The following DAB1 variants were observed in gnomAD, a reference collection of about 807,000 sequenced individuals.
DAB1 encodes the protein disabled homolog 1.
In DAB1, 15 loss-of-function variants were observed where a neutral mutation model predicts 64.6. That is an observed-to-expected ratio of 0.23 (90% confidence interval 0.16 to 0.36). The LOEUF (loss-of-function observed/expected upper bound fraction) is 0.36. Ranked by LOEUF, DAB1 falls within the 10% of genes least tolerant of loss-of-function variation. The pLI is 1.00. For missense variants in DAB1, 596 were observed against 706.7 expected, an observed-to-expected ratio of 0.84 and a Z score of 1.78; for synonymous variants, 235 against 251.9, an observed-to-expected ratio of 0.93 and a Z score of 0.64.
chr1:57,736,757 C>G (rs923180292), intron 6 of DAB1, among the ~76,000 whole-genome samples: 2 of 152,136 alleles, frequency 1.3e-5, no homozygotes, highest in African/African-American at 4.8e-5. Flanking sequence ...CCCTCCCTCT[C>G]TCACTCTTTC....
intron 3 of DAB1, among the ~76,000 whole-genome samples, chr1:58,356,347 A>G (rs1224654592): frequency 2.0e-5 from 3 of 152,220 alleles, no homozygotes; most frequent in African/African-American, 7.2e-5. Context: ...CAAGCAGGGA[A>G]GACCTGCTCA....
At chr1:57,640,468 GAA>G (rs1430010624) in intron 7 of DAB1, among the ~76,000 whole-genome samples, 3 of 152,062 alleles carry the variant, frequency 2.0e-5, no homozygotes, top group African/African-American at 7.2e-5. Context: ...GAGGCTAAAT[GAA>G]TGAGGAGGGT....
At chr1:57,070,920 C>G in intron 7 of DAB1, 103 bp downstream of exon 7, 1 of 1,021,542 alleles carries the variant, frequency 9.8e-7, no homozygotes, top group Non-Finnish European at 1.6e-6. Context: ...TGGTCTCTCT[C>G]CAGGTTTTGC....
Position 57,126,173 on chromosome 1 carries a change from A to G in DAB1, c.306+10370T>C, listed in dbSNP as rs77983824. ...TTAAAGAAAAACAGTGAAAATTCCA[A>G]GAAAAAAGTAGTGACTGATTATAGG... On this transcript the variant is annotated intron_variant, in intron 4 of 14. Coordinates refer to ENST00000371236, the MANE Select transcript of DAB1 (RefSeq NM_001365792.1). Among the ~76,000 whole-genome samples the G allele has an allele frequency of 8.1e-3, 1,231 of 151,996 alleles. 11 individuals are homozygous for G. The highest frequency in any genetic ancestry group is 0.027 in the African/African-American group (1,116 of 41,252).
At chr1:58,437,739 A>G (rs1644961193) in intron 3 of DAB1, among the ~76,000 whole-genome samples, 1 of 152,174 alleles carries the variant, frequency 6.6e-6, no homozygotes, top group Non-Finnish European at 1.5e-5. Context: ...AAAGATACAA[A>G]TGTTGTGGGC....
chr1:57,504,350 G>C (rs1428434775), intron 7 of DAB1, among the ~76,000 whole-genome samples: 1 of 152,114 alleles, frequency 6.6e-6, no homozygotes, highest in Non-Finnish European at 1.5e-5. Flanking sequence ...GTAAGGAAGT[G>C]CTAAAACAAA....
At chr1:57,401,625 C>CTT (rs1683250949) in intron 1 of DAB1, among the ~76,000 whole-genome samples, 1 of 152,212 alleles carries the variant, frequency 6.6e-6, no homozygotes, top group Admixed American at 6.5e-5. Flanking sequence ...TAAAATCACA[C>CTT]AGTGAGCAGG....
At chr1:57,023,344 C>G (rs894177451) in intron 11 of DAB1, among the ~76,000 whole-genome samples, 187 bp downstream of exon 11, 1 of 152,196 alleles carries the variant, frequency 6.6e-6, no homozygotes, top group Non-Finnish European at 1.5e-5. Flanking sequence ...AATTCCAGGC[C>G]AGTAACATCC....
At chr1:57,188,643 A>G (rs892970548) in intron 2 of DAB1, among the ~76,000 whole-genome samples, 2 of 102,810 alleles carry the variant, frequency 1.9e-5, no homozygotes, top group Non-Finnish European at 3.9e-5. Flanking sequence ...CTTTCCCAGC[A>G]TATCTACAAC....
At chr1:58,210,399 T>C (rs933326207) in intron 4 of DAB1, among the ~76,000 whole-genome samples, 1 of 152,222 alleles carries the variant, frequency 6.6e-6, no homozygotes, top group Non-Finnish European at 1.5e-5. Flanking sequence ...AAGGTGATCC[T>C]AAAGATCATG....
At chr1:57,189,753 A>T (rs568221533) in intron 2 of DAB1, among the ~76,000 whole-genome samples, 18 of 152,140 alleles carry the variant, frequency 1.2e-4, no homozygotes, top group Non-Finnish European at 2.2e-4. Flanking sequence ...AGGAGCATCC[A>T]TTAAAAAGAC....
chr1:57,885,431 A>G (rs1032851915), upstream of DAB1, among the ~76,000 whole-genome samples: 1 of 152,142 alleles, frequency 6.6e-6, no homozygotes, highest in Non-Finnish European at 1.5e-5. Context: ...GCAGTGGCTT[A>G]TTATTGATGG....
upstream of DAB1, among the ~76,000 whole-genome samples, chr1:57,427,870 A>C (rs145858189): frequency 3.3e-5 from 5 of 152,322 alleles, no homozygotes; most frequent in East Asian, 9.6e-4. Context: ...AGAACAGTTA[A>C]GATCTACGCT....
rs145309872 is a variant in DAB1, at chr1:57,296,079, A to G, written c.-136-4913T>C. 1.5e-3 allele frequency among the ~76,000 whole-genome samples: 222 copies of G among 152,236 alleles called. 1 individual carries two copies. Among genetic ancestry groups the G allele is most frequent in the Middle Eastern group, 6.8e-3 (2 of 294 alleles). On this transcript the variant is annotated intron_variant, in intron 1 of 14. Transcript: ENST00000371236. ...TCTTTTTAGCAGGCTTGTTTTCTGTAGTGTTATGAGCAAAGCAATTCTGAA... is the reference window on the plus strand; with the variant it reads ...TCTTTTTAGCAGGCTTGTTTTCTGTGGTGTTATGAGCAAAGCAATTCTGAA...
chr1:57,504,714 A>G (rs1461261249), intron 7 of DAB1, among the ~76,000 whole-genome samples: 1 of 152,196 alleles, frequency 6.6e-6, no homozygotes, highest in Non-Finnish European at 1.5e-5. Context: ...AAGGGGGTGA[A>G]CATAGTTACT....
chr1:57,865,329 T>G (rs1654248990), intron 1 of DAB1, among the ~76,000 whole-genome samples: 1 of 152,126 alleles, frequency 6.6e-6, no homozygotes, highest in Non-Finnish European at 1.5e-5. Flanking sequence ...ACAACTGCAC[T>G]TTATAGAATG....
chr1:57,560,890 TG>T (rs1558494694), intron 7 of DAB1, among the ~76,000 whole-genome samples: 1 of 152,192 alleles, frequency 6.6e-6, no homozygotes, highest in African/African-American at 2.4e-5. Flanking sequence ...GGCCTGTTAC[TG>T]GGCTTTGGTG....
chr1:57,709,863 C>G (rs891193017), intron 6 of DAB1, among the ~76,000 whole-genome samples: 1 of 152,042 alleles, frequency 6.6e-6, no homozygotes. Flanking sequence ...GAAGATGGAG[C>G]CTCCATGTTC....
intron 7 of DAB1, among the ~76,000 whole-genome samples, chr1:57,472,607 C>T (rs1687178487): frequency 6.6e-6 from 1 of 151,660 alleles, no homozygotes; most frequent in Non-Finnish European, 1.5e-5. Context: ...GTGCATGCAG[C>T]CCCCAGTCAC....
Sources: gnomAD v4.1 joint callset for allele counts (sites outside exome capture counted in the v4.1 genomes callset) on GRCh38, gnomAD v4.1.1 for gene constraint, MANE v1.5 for transcripts, NCBI Gene and HGNC (gene_info 2026-07-23, HGNC 2026-07-21) for gene names.